ARHGAP32: variants seen among roughly 807,000 people sequenced by gnomAD.
The protein encoded by ARHGAP32 is rho GTPase-activating protein 32.
A neutral mutation model predicts 186.5 loss-of-function variants in ARHGAP32; 51 were observed. That is an observed-to-expected ratio of 0.27 (90% CI 0.22 to 0.35). The LOEUF (loss-of-function observed/expected upper bound fraction) is 0.35. ARHGAP32 is among the 10% of genes least tolerant of loss of function. The pLI, the probability that ARHGAP32 is intolerant of heterozygous loss-of-function variation, is 1.00. For synonymous variants in ARHGAP32, 950 were observed against 964.3 expected, an observed-to-expected ratio of 0.99 and a Z score of 0.27; for missense variants, 2,186 against 2,623.5, an observed-to-expected ratio of 0.83 and a Z score of 3.64.
chr11:128,999,860 T>G (rs1047357183), intron 11 of ARHGAP32, among the ~76,000 whole-genome samples: 2 of 152,206 alleles, frequency 1.3e-5, no homozygotes, highest in Non-Finnish European at 2.9e-5. Flanking sequence ...CTTAAGGATG[T>G]TACAGGATTA....
At position 129,124,908 on chromosome 11, in the gene ARHGAP32, G is replaced by A. The variant is rs780706739; in HGVS notation, c.226-14C>T. On this transcript the variant is annotated splice_polypyrimidine_tract_variant and intron_variant, in intron 2 of 22. Transcript: ENST00000682385. ...TGCGCCTCTTGCCTTAAAAAATAAA[G>A]ACAAAATATTTATGGCTATTACTTT... 2.5e-6 allele frequency: 4 copies of A among 1,588,740 alleles called. No homozygotes were observed. The highest frequency in any genetic ancestry group is 3.4e-6 in the Non-Finnish European group (4 of 1,165,690).
intron 2 of ARHGAP32, 143 bp from the exon 3 acceptor site, chr11:129,125,037 G>T: frequency 1.9e-6 from 1 of 530,980 alleles, no homozygotes; most frequent in East Asian, 3.1e-5. Context: ...AAATTACTGA[G>T]TTTTAATTAT....
intron 2 of ARHGAP32, among the ~76,000 whole-genome samples, chr11:129,153,766 A>G (rs897231496): frequency 6.6e-6 from 1 of 152,208 alleles, no homozygotes; most frequent in East Asian, 1.9e-4. Context: ...TCTAAGACCT[A>G]AAACCATAAA....
intron 11 of ARHGAP32, among the ~76,000 whole-genome samples, chr11:129,000,375 G>A (rs1340647409): frequency 6.6e-6 from 1 of 152,184 alleles, no homozygotes; most frequent in Admixed American, 6.5e-5. Flanking sequence ...ACAATATCAT[G>A]AGCTCAAAGA....
intron 1 of ARHGAP32, among the ~76,000 whole-genome samples, chr11:129,225,780 T>C (rs901901069): frequency 1.3e-5 from 2 of 152,086 alleles, no homozygotes; most frequent in African/African-American, 4.8e-5. Context: ...GAAACTGACC[T>C]TAAGGAAACC....
intron 5 of ARHGAP32, among the ~76,000 whole-genome samples, chr11:129,117,781 T>A (rs2135364057): frequency 6.6e-6 from 1 of 151,798 alleles, no homozygotes; most frequent in East Asian, 1.9e-4. Context: ...CCCTACACAC[T>A]AGATGGCGGT....
intron 1 of ARHGAP32, among the ~76,000 whole-genome samples, chr11:129,251,933 C>CA (rs11443635): frequency 0.5 from 67,183 of 134,114 alleles, 16,679 homozygotes; most frequent in South Asian, 0.62. Flanking sequence ...GACTTCATCT[C>CA]AAAAAAAAAA....
chr11:129,172,945 A>G (rs1396888275), intron 1 of ARHGAP32, among the ~76,000 whole-genome samples: 3 of 151,800 alleles, frequency 2.0e-5, no homozygotes, highest in Non-Finnish European at 2.9e-5. Flanking sequence ...AACTAAGATC[A>G]GAGAAGAAAT....
intron 1 of ARHGAP32, among the ~76,000 whole-genome samples, chr11:129,183,390 A>G (rs1300604091): frequency 6.6e-6 from 1 of 152,184 alleles, no homozygotes; most frequent in East Asian, 1.9e-4. Flanking sequence ...CATTAAATTT[A>G]TAAATTACCT....
intron 6 of ARHGAP32, among the ~76,000 whole-genome samples, chr11:129,073,760 A>C (rs1940944803): frequency 1.3e-5 from 2 of 149,526 alleles, no homozygotes; most frequent in African/African-American, 4.9e-5. Context: ...TCAAAAAAAA[A>C]ACAAACAAAA....
At chr11:128,998,604 GT>G in intron 11 of ARHGAP32, 136 bp from the exon 12 acceptor site, 1 of 558,044 alleles carries the variant, frequency 1.8e-6, no homozygotes, top group African/African-American at 1.9e-5. Flanking sequence ...TTAGGAAAAT[GT>G]CAGTACAAGT....
At chr11:129,160,534 TAAAATA>T (rs1403699377) in intron 2 of ARHGAP32, among the ~76,000 whole-genome samples, 1 of 150,884 alleles carries the variant, frequency 6.6e-6, no homozygotes, top group Non-Finnish European at 1.5e-5. Context: ...CCTAGGATGA[TAAAATA>T]CCTAGGATGA....
intron 11 of ARHGAP32, among the ~76,000 whole-genome samples, chr11:129,040,150 A>G (rs971133165): frequency 1.3e-5 from 2 of 152,074 alleles, no homozygotes; most frequent in Non-Finnish European, 2.9e-5. Flanking sequence ...TCTTACATAC[A>G]GGTCCTAAAA....
At chr11:129,005,297 A>G (rs760482431) in intron 11 of ARHGAP32, among the ~76,000 whole-genome samples, 2 of 152,186 alleles carry the variant, frequency 1.3e-5, no homozygotes, top group Non-Finnish European at 2.9e-5. Flanking sequence ...TTTACACACC[A>G]CAGTTAGTGT....
Position 128,986,645 on chromosome 11 carries a change from A to G in ARHGAP32, c.1322T>C (p.Val441Ala). The change falls in exon 14 of 23, where the codon GTC (valine) becomes GCC (alanine). Residue 441 changes from valine to alanine, a missense_variant. Coordinates refer to ENST00000682385, the MANE Select transcript of ARHGAP32 (RefSeq NM_001378024.1). ...ATACGGTTCTTTCGTCAGGTCGGGG[A>G]CGTGCTCAGAGTCAAATTCATGGCT... ...RLRHEFDSEH[V>A]PDLTKEPYVQ... is the part of the protein sequence containing the mutation. 1 of 1,614,046 alleles carries G rather than the reference A, an allele frequency of 6.2e-7. No homozygotes were observed. The highest frequency in any genetic ancestry group is 2.2e-5 in the East Asian group (1 of 44,886).
Position 129,164,401 on chromosome 11 carries a change from T to C in ARHGAP32, c.143A>G (p.Glu48Gly). Residue 48 changes from glutamate to glycine, a missense_variant, in exon 2 of 23, where the codon GAA (glutamate) becomes GGA (glycine). Physicochemically the swap from Glu to Gly is moderately conservative, Grantham distance 98 (BLOSUM62 -2). This residue lies in a region of ARHGAP32 where 108 missense variants were observed against 116.8 expected (regional missense o/e 0.92). Transcript: ENST00000682385. ...FRKMKSSVHS[E>G]EDDFVPELHR... Reference sequence around the variant, plus strand: ...TAGCTCTGGAACAAAATCATCTTCTTCAGAATGTACTGAGGACTTCATCTT... The same window carrying C: ...TAGCTCTGGAACAAAATCATCTTCTCCAGAATGTACTGAGGACTTCATCTT... The C allele has an allele frequency of 6.4e-7, 1 of 1,569,000 alleles. No individual in the cohort carries two copies.
At chr11:129,131,623 G>A (rs571105936) in intron 2 of ARHGAP32, among the ~76,000 whole-genome samples, 14 of 152,050 alleles carry the variant, frequency 9.2e-5, no homozygotes, top group South Asian at 4.2e-4. Context: ...TGACGAAAAC[G>A]GCAAGGGGGA....
At chr11:129,264,101 C>T (rs1322968656) in intron 1 of ARHGAP32, among the ~76,000 whole-genome samples, 3 of 152,126 alleles carry the variant, frequency 2.0e-5, no homozygotes, top group African/African-American at 7.2e-5. Flanking sequence ...ATAGATGAAC[C>T]TTGAGGACAT....
intron 2 of ARHGAP32, among the ~76,000 whole-genome samples, chr11:129,158,708 G>C (rs2135472999): frequency 6.6e-6 from 1 of 152,214 alleles, no homozygotes; most frequent in East Asian, 1.9e-4. Flanking sequence ...GGATGAAACA[G>C]ACCTAATAGA....
Sources: gnomAD v4.1 joint callset for allele counts (sites outside exome capture counted in the v4.1 genomes callset) on GRCh38, gnomAD v4.1.1 for gene constraint, gnomAD v4.1.1 regional missense constraint, MANE v1.5 for transcripts, NCBI Gene and HGNC (gene_info 2026-07-23, HGNC 2026-07-21) for gene names.